Variants in GABRG3 observed in about 807,000 individuals in gnomAD.
GABRG3 encodes gamma-aminobutyric acid type A receptor subunit gamma3.
Under a neutral mutation model 48.8 loss-of-function variants are expected in GABRG3, and 25 were observed. That is an observed-to-expected ratio of 0.51 (90% CI 0.37 to 0.72). The LOEUF (loss-of-function observed/expected upper bound fraction) is 0.72, where lower values mean the gene tolerates loss of function less well. Ranked by LOEUF, GABRG3 falls within the 30% of genes least tolerant of loss-of-function variation. GABRG3 has a pLI of 0.00. For missense variants in GABRG3, 394 were observed against 577.9 expected (o/e 0.68, Z 3.26); for synonymous variants, 227 against 217.6 (o/e 1.04, Z -0.38).
chr15:27,413,255 C>T lies in GABRG3; in HGVS notation c.575-67395C>T, dbSNP rs187123983. On this transcript the variant is annotated intron_variant, in intron 5 of 9. Coordinates refer to ENST00000615808, the MANE Select transcript of GABRG3 (RefSeq NM_033223.5). ...TAAAGTATATTCAATGAAGTAATTA[C>T]AACAAGTCTACCATATCATTTTATT... 3.3e-5 allele frequency among the ~76,000 whole-genome samples: 5 copies of T among 151,644 alleles called. No homozygotes were observed. In the East Asian group the frequency reaches 9.6e-4, roughly 29 times the overall value.
In GABRG3 at chr15:27,199,380, G is replaced by A. The variant is rs535928568; in HGVS notation, c.271-127429G>A. ...GATTCCCGTTTGATGGAGTATGAGCGAAAGAGAATGTGTTCCCCACTGGGA... is the reference window on the plus strand; with the variant it reads ...GATTCCCGTTTGATGGAGTATGAGCAAAAGAGAATGTGTTCCCCACTGGGA... On this transcript the variant is annotated intron_variant, in intron 3 of 9. Transcript: ENST00000615808. Among the ~76,000 whole-genome samples the A allele has an allele frequency of 4.9e-4, 75 of 152,216 alleles. No homozygotes were observed. The South Asian group carries it at 0.012, about 24-fold the overall frequency.
chr15:27,353,902 G>A (rs1423717800), intron 5 of GABRG3, among the ~76,000 whole-genome samples: 4 of 152,130 alleles, frequency 2.6e-5, no homozygotes, highest in Admixed American at 6.5e-5. Context: ...TGTGTTCATT[G>A]CCTCTCCCAC....
At chr15:27,266,396 C>T (rs1308134893) in intron 3 of GABRG3, among the ~76,000 whole-genome samples, 1 of 151,812 alleles carries the variant, frequency 6.6e-6, no homozygotes, top group African/African-American at 2.4e-5. Flanking sequence ...TTGTTCTGTT[C>T]CATCGATCAA....
chr15:27,018,130 T>C (rs2140673041), intron 2 of GABRG3, among the ~76,000 whole-genome samples: 1 of 152,306 alleles, frequency 6.6e-6, no homozygotes, highest in South Asian at 2.1e-4. Context: ...AGAACTTACT[T>C]CAAATATTCA....
rs535295684 is a variant in GABRG3 at position 27,348,155 on chromosome 15, C to CAAAAAAAAAAAAAAAAAAAAA, written c.574+19270_574+19271insAAAAAAAAAAAAAAAAAAAAA. Among the ~76,000 whole-genome samples, 120 of 102,958 alleles carry CAAAAAAAAAAAAAAAAAAAAA rather than the reference C, an allele frequency of 1.2e-3. 24 individuals carry two copies. The highest frequency in any genetic ancestry group is 5.1e-3 in the African/African-American group (112 of 21,936). 67.5% of individuals were successfully genotyped at this position (102,958 alleles called of 152,430 possible). On this transcript the variant is annotated intron_variant, in intron 5 of 9. Transcript: ENST00000615808. ...TGGGTGACAGAGCGAGACTCCATCT[C>CAAAAAAAAAAAAAAAAAAAAA]AAATAAATAAAGAGTTGGAGATTTT...
intron 3 of GABRG3, among the ~76,000 whole-genome samples, chr15:27,218,124 C>T (rs1889326010): frequency 6.6e-6 from 1 of 152,134 alleles, no homozygotes; most frequent in Non-Finnish European, 1.5e-5. Context: ...ATCCTCCCAC[C>T]TCCGCCTCCC....
intron 5 of GABRG3, among the ~76,000 whole-genome samples, chr15:27,411,111 C>T (rs1887784910): frequency 6.6e-6 from 1 of 151,862 alleles, no homozygotes; most frequent in Non-Finnish European, 1.5e-5. Context: ...TCTCATCATC[C>T]GTGGTATTTA....
At chr15:27,351,989 TGTG>T (rs1161533402) in intron 5 of GABRG3, among the ~76,000 whole-genome samples, 39 of 150,014 alleles carry the variant, frequency 2.6e-4, no homozygotes, top group Admixed American at 1.9e-3. Flanking sequence ...GTGTGTATGG[TGTG>T]TGTGTGTATA....
chr15:27,251,319 C>A (rs1468222990), intron 3 of GABRG3, among the ~76,000 whole-genome samples: 3 of 152,102 alleles, frequency 2.0e-5, no homozygotes, highest in Non-Finnish European at 4.4e-5. Context: ...GCAACAGACA[C>A]CTGATTTCCA....
chr15:27,277,599 G>A (rs1356117133), intron 3 of GABRG3, among the ~76,000 whole-genome samples: 1 of 152,152 alleles, frequency 6.6e-6, no homozygotes, highest in Non-Finnish European at 1.5e-5. Context: ...TATATAATGA[G>A]CTATTGATAA....
At chr15:27,076,005 G>A (rs143963457) in intron 3 of GABRG3, among the ~76,000 whole-genome samples, 43 of 152,288 alleles carry the variant, frequency 2.8e-4, no homozygotes, top group Non-Finnish European at 3.8e-4. Flanking sequence ...CTGTGTCCCC[G>A]CGCTGAGGGT....
chr15:26,982,751 A>G (rs955211313), intron 2 of GABRG3, among the ~76,000 whole-genome samples: 1 of 152,232 alleles, frequency 6.6e-6, no homozygotes, highest in Non-Finnish European at 1.5e-5. Flanking sequence ...TCATCATCAC[A>G]TGTGAGAACA....
At chr15:26,990,620 A>T (rs191006079) in intron 2 of GABRG3, among the ~76,000 whole-genome samples, 1 of 152,038 alleles carries the variant, frequency 6.6e-6, no homozygotes, top group African/African-American at 2.4e-5. Context: ...TGCTATGCAG[A>T]AGCTTTTTAA....
chr15:26,984,866 T>C (rs1425570918), intron 2 of GABRG3, among the ~76,000 whole-genome samples: 3 of 152,150 alleles, frequency 2.0e-5, no homozygotes, highest in East Asian at 3.9e-4. Flanking sequence ...AGGTTACATA[T>C]TGGCTTTTAA....
chr15:27,521,968 C>G (rs1411236941), intron 7 of GABRG3, among the ~76,000 whole-genome samples: 1 of 151,808 alleles, frequency 6.6e-6, no homozygotes, highest in Non-Finnish European at 1.5e-5. Flanking sequence ...TTTTTGAAAA[C>G]AAGTGGTTAA....
intron 3 of GABRG3, among the ~76,000 whole-genome samples, chr15:27,145,655 ATCT>A (rs1898195548): frequency 6.8e-6 from 1 of 148,132 alleles, no homozygotes; most frequent in African/African-American, 2.6e-5. Context: ...CTATCTATCT[ATCT>A]ATCTATTGTG....
chr15:27,490,282 G>A (rs1454252800), intron 6 of GABRG3, among the ~76,000 whole-genome samples: 9 of 152,228 alleles, frequency 5.9e-5, no homozygotes, highest in Non-Finnish European at 4.4e-5. Context: ...AAAGTACTGA[G>A]TGCTTTCAGC....
intron 5 of GABRG3, among the ~76,000 whole-genome samples, chr15:27,419,602 C>G (rs1264933939): frequency 6.6e-6 from 1 of 152,180 alleles, no homozygotes; most frequent in Non-Finnish European, 1.5e-5. Flanking sequence ...TTGAGACTTT[C>G]AATAACTCCT....
intron 5 of GABRG3, among the ~76,000 whole-genome samples, chr15:27,359,159 C>G (rs1368254401): frequency 6.6e-6 from 1 of 152,218 alleles, no homozygotes; most frequent in African/African-American, 2.4e-5. Flanking sequence ...CCTGTCAGGT[C>G]TCCCACTGCA....
Sources: allele counts gnomAD v4.1 joint callset (sites outside exome capture counted in the v4.1 genomes callset), GRCh38; gene constraint gnomAD v4.1.1; transcripts MANE v1.5; gene names NCBI Gene and HGNC (gene_info 2026-07-23, HGNC 2026-07-21).